The following LDLRAD4 variants were observed in gnomAD, a reference collection of about 807,000 sequenced individuals.
LDLRAD4 encodes the protein low density lipoprotein receptor class A domain containing 4.
A neutral mutation model predicts 17.0 loss-of-function variants in LDLRAD4; 5 were observed. The ratio of observed to expected loss-of-function variants is 0.29; its 90% CI spans 0.15 to 0.62. The LOEUF (loss-of-function observed/expected upper bound fraction) is 0.62, where lower values mean the gene tolerates loss of function less well. Ranked by LOEUF, LDLRAD4 falls within the 20% of genes least tolerant of loss-of-function variation. LDLRAD4 has a pLI of 0.84. For missense variants in LDLRAD4, 340 were observed against 424.7 expected (o/e 0.80, Z 1.75); for synonymous variants, 168 against 171.8 (o/e 0.98, Z 0.17).
intron 1 of LDLRAD4, among the ~76,000 whole-genome samples, chr18:13,225,247 G>A (rs2041720683): frequency 6.6e-6 from 1 of 152,196 alleles, no homozygotes; most frequent in Non-Finnish European, 1.5e-5. Flanking sequence ...GAGATTGTGG[G>A]ACCTAAAGGG....
At chr18:13,601,785 T>C (rs941082054) in intron 3 of LDLRAD4, among the ~76,000 whole-genome samples, 1 of 152,192 alleles carries the variant, frequency 6.6e-6, no homozygotes. Context: ...AGAACTACCA[T>C]TCCACCCAGC....
At chr18:13,502,055 G>A (rs887711823) in intron 3 of LDLRAD4, among the ~76,000 whole-genome samples, 13 of 152,238 alleles carry the variant, frequency 8.5e-5, no homozygotes, top group Admixed American at 8.5e-4. Context: ...CTTGTGTAAC[G>A]CTGCAAATTC....
At chr18:13,349,646 G>T (rs2082923714) in intron 1 of LDLRAD4, among the ~76,000 whole-genome samples, 1 of 152,072 alleles carries the variant, frequency 6.6e-6, no homozygotes, top group Non-Finnish European at 1.5e-5. Flanking sequence ...TTTAAGTTCT[G>T]GGATACAAGT....
At chr18:13,478,241 C>T (rs546179948) in intron 3 of LDLRAD4, among the ~76,000 whole-genome samples, 2 of 152,310 alleles carry the variant, frequency 1.3e-5, no homozygotes, top group African/African-American at 4.8e-5. Flanking sequence ...GGATTCCACC[C>T]AGGCCTGCTG....
At chr18:13,279,850 G>A (rs550407417) in intron 1 of LDLRAD4, 18 of 152,350 alleles carry the variant, frequency 1.2e-4, no homozygotes, top group Non-Finnish European at 2.1e-4. Flanking sequence ...GCGAGGCGTC[G>A]TAAGAACTTT....
intron 1 of LDLRAD4, among the ~76,000 whole-genome samples, chr18:13,238,363 T>G (rs2042440076): frequency 6.6e-6 from 1 of 152,246 alleles, no homozygotes; most frequent in African/African-American, 2.4e-5. Context: ...GATTTTTTGC[T>G]CAACTGGAAG....
chr18:13,617,288 T>C (rs1284440), intron 3 of LDLRAD4, among the ~76,000 whole-genome samples: 124,950 of 152,098 alleles, frequency 0.82, 52,089 homozygotes, highest in East Asian at 0.98. Context: ...AGATCTTTCT[T>C]ATCCTTGCCT....
chr18:13,345,031 G>A (rs1306716095), intron 1 of LDLRAD4, among the ~76,000 whole-genome samples: 4 of 152,040 alleles, frequency 2.6e-5, no homozygotes, highest in African/African-American at 9.7e-5. Flanking sequence ...CTGCAAACAG[G>A]GACAATTTGA....
chr18:13,358,190 A>G (rs1192870502), intron 1 of LDLRAD4, among the ~76,000 whole-genome samples: 1 of 152,158 alleles, frequency 6.6e-6, no homozygotes, highest in Non-Finnish European at 1.5e-5. Context: ...TCTGTATACT[A>G]GGGATATTCA....
rs56035558 is a variant in LDLRAD4 at position 13,594,665 on chromosome 18, C to CAA, written c.182-26429_182-26428dup. 4.6e-3 allele frequency among the ~76,000 whole-genome samples: 134 copies of CAA among 29,304 alleles called. 3 individuals carry two copies. Among genetic ancestry groups the CAA allele is most frequent in the Middle Eastern group, 0.024 (1 of 42 alleles). The allele number at this position is 29,304 out of a possible 152,430, so 19.2% of individuals were successfully genotyped here. A position where few individuals can be genotyped will look rare whatever the true frequency, so the allele number is the denominator to read the frequency against. On this transcript the variant is annotated intron_variant, in intron 3 of 5. Coordinates refer to ENST00000359446, the Ensembl canonical transcript of LDLRAD4. ...TGGGTGACAGAGCAAGATTCCATCT[C>CAA]AAAAAAAAAAAAAAAAAAAAAAAAG...
intron 1 of LDLRAD4, among the ~76,000 whole-genome samples, chr18:13,321,165 A>AGCAGACAGGCTGCCTGCT (rs2081196832): frequency 6.6e-6 from 1 of 151,876 alleles, no homozygotes; most frequent in Non-Finnish European, 1.5e-5. Flanking sequence ...TCTCTGGCCC[A>AGCAGACAGGCTGCCTGCT]GCAGACAGGC....
chr18:13,535,667 C>G (rs1169835191), intron 3 of LDLRAD4, among the ~76,000 whole-genome samples: 1 of 152,034 alleles, frequency 6.6e-6, no homozygotes, highest in African/African-American at 2.4e-5. Flanking sequence ...TGTATGAGGT[C>G]CATTTCATAA....
intron 3 of LDLRAD4, among the ~76,000 whole-genome samples, chr18:13,591,687 G>A (rs1222867770): frequency 6.6e-6 from 1 of 152,124 alleles, no homozygotes; most frequent in African/African-American, 2.4e-5. Flanking sequence ...CCGCAGATTG[G>A]ATGCAATCTG....
intron 4 of LDLRAD4, among the ~76,000 whole-genome samples, chr18:13,633,575 G>A (rs2148907222): frequency 6.6e-6 from 1 of 152,354 alleles, no homozygotes; most frequent in South Asian, 2.1e-4. Flanking sequence ...AGGTGGCAGG[G>A]GGCTGGCATA....
chr18:13,580,191 T>C (rs2094837136), intron 3 of LDLRAD4, among the ~76,000 whole-genome samples: 1 of 152,208 alleles, frequency 6.6e-6, no homozygotes, highest in Non-Finnish European at 1.5e-5. Context: ...GCACACTCCC[T>C]GCTCAAAGCC....
rs573467221 is a variant in LDLRAD4 at position 13,426,830 on chromosome 18, A to G, written c.41-11414A>G. ...CAAAATTCTGGTGTGGGTTGGTTGA[A>G]GAATACAGGGAACATGGGTGTTTAT... On this transcript the variant is annotated intron_variant, in intron 2 of 5. Coordinates refer to ENST00000359446, the Ensembl canonical transcript of LDLRAD4. 2.4e-4 allele frequency among the ~76,000 whole-genome samples: 36 copies of G among 152,330 alleles called. 1 individual carries two copies. The South Asian group carries it at 7.2e-3, about 31-fold the overall frequency.
At chr18:13,480,673 C>T (rs371608691) in intron 3 of LDLRAD4, among the ~76,000 whole-genome samples, 60 of 152,254 alleles carry the variant, frequency 3.9e-4, no homozygotes, top group African/African-American at 1.3e-3. Flanking sequence ...GCAGAGAGCA[C>T]GTGAGAAATC....
In LDLRAD4 at chr18:13,300,960, C is replaced by T. The variant is rs534523248; in HGVS notation, c.-383+22772C>T. 6.1e-4 allele frequency among the ~76,000 whole-genome samples: 93 copies of T among 152,356 alleles called. 2 individuals carry two copies. The highest frequency in any genetic ancestry group is 3.4e-3 in the Middle Eastern group (1 of 294). On this transcript the variant is annotated intron_variant, in intron 1 of 5. Coordinates refer to ENST00000359446, the Ensembl canonical transcript of LDLRAD4. This position sits in a 1 kb window ranked among gnomAD's most constrained non-coding sequence, Gnocchi z 4.2. ...GCTGATCTTCCAGTGCCCGAGTCCC[C>T]GCTGTGAGCGCCCTGAGGAGCATGT...
At position 13,453,987 on chromosome 18, in the gene LDLRAD4, G is replaced by A. The variant is rs551500846; in HGVS notation, c.181+15603G>A. On this transcript the variant is annotated intron_variant, in intron 3 of 5. Transcript: ENST00000359446. The stretch of plus-strand genomic sequence containing the variant: ...TCACACTGCAGATGTTCATTCCGGC[G>A]CTGCCGCCGACTGCGGGGACAGAGC... 5.9e-5 allele frequency among the ~76,000 whole-genome samples: 9 copies of A among 152,282 alleles called. No homozygotes were observed. In the South Asian group the frequency reaches 6.2e-4, roughly 11 times the overall value.
Sources: gnomAD v4.1 joint callset for allele counts (sites outside exome capture counted in the v4.1 genomes callset) on GRCh38, gnomAD v4.1.1 for gene constraint, Gnocchi (gnomAD v3.1) non-coding constraint, MANE v1.5 for transcripts, NCBI Gene and HGNC (gene_info 2026-07-23, HGNC 2026-07-21) for gene names.